JPH3: variants seen among roughly 807,000 people sequenced by gnomAD.
The protein encoded by JPH3 is junctophilin-3.
In JPH3, 11 loss-of-function variants were observed where a neutral mutation model predicts 59.6. The ratio of observed to expected loss-of-function variants is 0.18; its 90% CI spans 0.12 to 0.31. The LOEUF (loss-of-function observed/expected upper bound fraction) is 0.31, where lower values mean the gene tolerates loss of function less well. Among genes scored for constraint, JPH3 ranks in the 10% least tolerant of loss-of-function variants. The pLI is 1.00. For synonymous variants in JPH3, 673 were observed against 483.6 expected (o/e 1.39, Z -5.14); for missense variants, 1,202 against 1,105.7 (o/e 1.09, Z -1.24).
intron 4 of JPH3, among the ~76,000 whole-genome samples, chr16:87,690,894 G>C (rs1400634844): frequency 2.0e-5 from 3 of 152,248 alleles, no homozygotes; most frequent in Admixed American, 6.5e-5. Flanking sequence ...GACCGCTTGA[G>C]TGTCCTGTGT....
At chr16:87,655,903 C>A (rs1474364366) in intron 2 of JPH3, among the ~76,000 whole-genome samples, 1 of 152,234 alleles carries the variant, frequency 6.6e-6, no homozygotes, top group Non-Finnish European at 1.5e-5. Flanking sequence ...GTCTCACTTG[C>A]CACTCTGCTG....
intron 2 of JPH3, among the ~76,000 whole-genome samples, chr16:87,663,785 C>T (rs1180853117): frequency 3.3e-5 from 5 of 152,190 alleles, no homozygotes; most frequent in Non-Finnish European, 5.9e-5. Flanking sequence ...GCCCAAGTGC[C>T]GTGTTAATGT....
At chr16:87,628,616 A>C (rs1222605931) in intron 1 of JPH3, among the ~76,000 whole-genome samples, 3 of 151,948 alleles carry the variant, frequency 2.0e-5, no homozygotes, top group African/African-American at 7.3e-5. Context: ...TAACCTCATC[A>C]CTCGGTGTTG....
intron 1 of JPH3, among the ~76,000 whole-genome samples, chr16:87,616,620 T>C (rs1479610958): frequency 1.3e-5 from 2 of 152,062 alleles, no homozygotes; most frequent in Non-Finnish European, 2.9e-5. Flanking sequence ...TGGTGAGGAA[T>C]AGATCAGAGA....
chr16:87,650,431 C>G (rs1451629213), intron 2 of JPH3, among the ~76,000 whole-genome samples: 1 of 152,150 alleles, frequency 6.6e-6, no homozygotes, highest in Non-Finnish European at 1.5e-5. Context: ...TAAAATTAGG[C>G]CAGTTAATAA....
chr16:87,677,207 CACACACACACACACACACAA>C (rs1418860206), intron 2 of JPH3, among the ~76,000 whole-genome samples: 2 of 122,462 alleles, frequency 1.6e-5, no homozygotes, highest in Non-Finnish European at 1.6e-5. Context: ...CACACACACA[CACACACACACACACACACAA>C]AAAAAAAAAT....
chr16:87,639,439 AC>A (rs2031865118), intron 1 of JPH3, among the ~76,000 whole-genome samples: 1 of 152,152 alleles, frequency 6.6e-6, no homozygotes, highest in South Asian at 2.1e-4. Context: ...AGGGAAAAAT[AC>A]ACATAACCTA....
chr16:87,636,881 C>T (rs558805445), intron 1 of JPH3, among the ~76,000 whole-genome samples: 4 of 152,352 alleles, frequency 2.6e-5, no homozygotes, highest in East Asian at 1.9e-4. Flanking sequence ...AACTCAGCTC[C>T]GAGATGTGAC....
At chr16:87,674,326 C>A (rs2033092115) in intron 2 of JPH3, among the ~76,000 whole-genome samples, 1 of 144,792 alleles carries the variant, frequency 6.9e-6, no homozygotes, top group Admixed American at 7.2e-5. Context: ...GAGCGAGACT[C>A]CGTCTCAAAA....
rs370806682 is a variant in JPH3 at position 87,644,558 on chromosome 16, C to G, written c.683C>G (p.Ser228Trp). ...SLLSGLKLRK[S>W]ESKSSLASQR... ...CTGAGTGGGCTGAAGCTGCGCAAGT[C>G]GGAGTCCAAGAGCAGCCTGGCCAGC... is the stretch of plus-strand genomic sequence containing the variant. Residue 228 changes from serine (S) to tryptophan (W), a missense_variant, in exon 2 of 5, where the codon TCG becomes TGG. Physicochemically the swap from Ser to Trp is radical, Grantham distance 177. Transcript: ENST00000284262. 5 of 1,612,794 alleles carry G rather than the reference C, an allele frequency of 3.1e-6. No individual in the cohort carries two copies. The highest frequency in any genetic ancestry group is 2.2e-5 in the South Asian group (2 of 91,058).
chr16:87,620,708 C>T (rs2031155384), intron 1 of JPH3, among the ~76,000 whole-genome samples: 1 of 152,210 alleles, frequency 6.6e-6, no homozygotes, highest in African/African-American at 2.4e-5. Flanking sequence ...AGGCGCTGTC[C>T]TCCTGCTGCC....
rs901591231 is a variant in JPH3, at chr16:87,696,843, T to C, written c.*183T>C. Reference sequence around the variant, plus strand: ...TGCCTTTTTTTCTGGGTAATGTTTTTTGGATTTTAGCCAAAATTCTTTGCT... The same window carrying C: ...TGCCTTTTTTTCTGGGTAATGTTTTCTGGATTTTAGCCAAAATTCTTTGCT... On this transcript the variant is annotated 3_prime_UTR_variant, in exon 5 of 5. Coordinates refer to ENST00000284262, the MANE Select transcript of JPH3 (RefSeq NM_020655.4). The C allele has an allele frequency of 1.6e-6, 1 of 611,182 alleles. No homozygotes were observed. Among genetic ancestry groups the C allele is most frequent in the African/African-American group, 1.8e-5 (1 of 54,196 alleles). 37.9% of individuals were successfully genotyped at this position (611,182 alleles called of 1,614,324 possible).
chr16:87,621,671 G>A (rs1250906734), intron 1 of JPH3, among the ~76,000 whole-genome samples: 8 of 152,368 alleles, frequency 5.3e-5, no homozygotes, highest in East Asian at 3.9e-4. Flanking sequence ...TTGAAGGGCC[G>A]GGTTTATTCC....
chr16:87,689,976 C>T lies in JPH3; in HGVS notation c.1616C>T (p.Ser539Phe). ...TGGGGCGAGGAGCAGGCCGGGGGCT[C>T]CAGGGGTGTCCGCAGCGGTGCCCTG... ...SSWGEEQAGG[S>F]RGVRSGALRG... Residue 539 changes from serine (S) to phenylalanine (F), a missense_variant, in exon 4 of 5, where the codon TCC becomes TTC. Ser to Phe is a radical substitution (Grantham distance 155). Coordinates refer to ENST00000284262, the MANE Select transcript of JPH3 (RefSeq NM_020655.4). 6.8e-7 allele frequency: 1 copy of T among 1,469,982 alleles called. No individual in the cohort carries two copies. 91.1% of individuals were successfully genotyped at this position (1,469,982 alleles called of 1,614,324 possible).
At chr16:87,656,235 A>G (rs1961102711) in intron 2 of JPH3, among the ~76,000 whole-genome samples, 1 of 152,226 alleles carries the variant, frequency 6.6e-6, no homozygotes, top group Non-Finnish European at 1.5e-5. Context: ...AGAGTCTTTC[A>G]TGCTGTTCCT....
In JPH3 at chr16:87,689,877, C is replaced by T. The variant is rs746684668; in HGVS notation, c.1517C>T (p.Ser506Leu). The change falls in exon 4 of 5, where the codon TCG becomes TTG. Residue 506 changes from serine to leucine, a missense_variant. Coordinates refer to ENST00000284262, the MANE Select transcript of JPH3 (RefSeq NM_020655.4). ...NKVAHFSRQV[S>L]VDEERGGDIQ... ...GTCGCCCACTTCTCGAGGCAGGTGT[C>T]GGTGGACGAGGAGCGGGGCGGGGAC... is the stretch of plus-strand genomic sequence containing the variant. 14 of 1,487,646 alleles carry T rather than the reference C, an allele frequency of 9.4e-6. No homozygotes were observed. Among genetic ancestry groups the T allele is most frequent in the African/African-American group, 1.4e-5 (1 of 71,632 alleles). The allele number at this position is 1,487,646 out of a possible 1,614,324, so 92.2% of individuals were successfully genotyped here.
intron 1 of JPH3, among the ~76,000 whole-genome samples, chr16:87,621,168 AAG>A (rs1476038851): frequency 6.6e-6 from 1 of 151,938 alleles, no homozygotes; most frequent in Non-Finnish European, 1.5e-5. Context: ...CAAAAGGAAA[AAG>A]AAAAAGAAAC....
chr16:87,619,967 C>T (rs1328420559), intron 1 of JPH3, among the ~76,000 whole-genome samples: 3 of 152,166 alleles, frequency 2.0e-5, no homozygotes, highest in East Asian at 1.9e-4. Context: ...ACAGAAGGAA[C>T]AGGGCCACCC....
chr16:87,623,044 C>A lies in JPH3; in HGVS notation c.382+19516C>A, dbSNP rs1489104150. 3.3e-5 allele frequency among the ~76,000 whole-genome samples: 5 copies of A among 152,276 alleles called. No homozygotes were observed. In the South Asian group the frequency reaches 8.3e-4, roughly 25 times the overall value. On this transcript the variant is annotated intron_variant, in intron 1 of 4. Transcript: ENST00000284262. ...GTGGGCAGGGGAGCCACAGGAGTGT[C>A]CAGGCCCCTCCCAGGCCAGCCCCAC... is the stretch of plus-strand genomic sequence containing the variant.
Sources: gnomAD v4.1 joint callset for allele counts (sites outside exome capture counted in the v4.1 genomes callset) on GRCh38, gnomAD v4.1.1 for gene constraint, MANE v1.5 for transcripts, NCBI Gene and HGNC (gene_info 2026-07-23, HGNC 2026-07-21) for gene names.